DMXL2: variants seen among roughly 807,000 people sequenced by gnomAD.
DMXL2 encodes the protein Dmx like 2, also known as dmX-like protein 2.
A neutral mutation model predicts 331.1 loss-of-function variants in DMXL2; 103 were observed. The ratio of observed to expected loss-of-function variants is 0.31; its 90% CI spans 0.27 to 0.37. The LOEUF is 0.37. Ranked by LOEUF, DMXL2 falls within the 10% of genes least tolerant of loss-of-function variation. The pLI is 1.00. For synonymous variants in DMXL2, 1,281 were observed against 1,252.1 expected, an observed-to-expected ratio of 1.02 and a Z score of -0.49; for missense variants, 3,171 against 3,642.9, an observed-to-expected ratio of 0.87 and a Z score of 3.33.
At chr15:51,483,450 T>A (rs1475135489) in intron 23 of DMXL2, among the ~76,000 whole-genome samples, 2 of 152,136 alleles carry the variant, frequency 1.3e-5, no homozygotes, top group African/African-American at 4.8e-5. Flanking sequence ...GGCAGGGAAA[T>A]CAACCCCTAC....
chr15:51,517,020 T>C, intron 14 of DMXL2, 58 bp downstream of exon 14: 2 of 1,353,270 alleles, frequency 1.5e-6, no homozygotes, highest in African/African-American at 1.4e-5. Context: ...ATCATATACA[T>C]ATAAAACACC....
intron 24 of DMXL2, 75 bp downstream of exon 24, chr15:51,480,467 G>A (rs2041929984): frequency 2.1e-6 from 3 of 1,442,744 alleles, no homozygotes; most frequent in South Asian, 1.6e-5. Flanking sequence ...TAGTAAAAGA[G>A]CTTTATAGCT....
chr15:51,581,634 C>T (rs1056512469), intron 1 of DMXL2, among the ~76,000 whole-genome samples: 4 of 152,146 alleles, frequency 2.6e-5, no homozygotes, highest in African/African-American at 7.2e-5. Flanking sequence ...ATACTCTAAT[C>T]CCACAAACAC....
chr15:51,578,374 T>C (rs765804395), intron 1 of DMXL2, among the ~76,000 whole-genome samples: 4 of 152,210 alleles, frequency 2.6e-5, no homozygotes, highest in Non-Finnish European at 5.9e-5. Flanking sequence ...CTACTTAAGA[T>C]AAATTCACTC....
chr15:51,499,685 G>C lies in DMXL2; in HGVS notation c.3539C>G (p.Ser1180Cys). ...HLDWVSKEDG[S>C]HILTVGVGAN... is the part of the protein sequence containing the mutation. ...ACCGACTCCCACTGTAAGAATGTGGGAGCCATCTTCTTTTGATACCCAGTC... is the reference window on the plus strand; with the variant it reads ...ACCGACTCCCACTGTAAGAATGTGGCAGCCATCTTCTTTTGATACCCAGTC... Residue 1180 changes from serine (S) to cysteine (C), a missense_variant, in exon 18 of 44, where the codon TCC (serine) becomes TGC (cysteine). Ser to Cys is a moderately radical substitution (Grantham distance 112). This residue lies in a region of DMXL2 where 1,674 missense variants were observed against 1,780.2 expected (regional missense o/e 0.94). Coordinates refer to ENST00000560891, the MANE Select transcript of DMXL2 (RefSeq NM_001378457.1). 2 of 1,613,972 alleles carry C rather than the reference G, an allele frequency of 1.2e-6. No homozygotes were observed. The highest frequency in any genetic ancestry group is 8.5e-7 in the Non-Finnish European group (1 of 1,179,984).
chr15:51,563,123 C>A (rs548390320), intron 6 of DMXL2, among the ~76,000 whole-genome samples: 3 of 151,184 alleles, frequency 2.0e-5, no homozygotes, highest in African/African-American at 7.4e-5. Flanking sequence ...TATTTTTAAA[C>A]ACAAAACTTA....
intron 40 of DMXL2, 127 bp from the exon 41 acceptor site, chr15:51,453,768 T>C (rs2039368406): frequency 2.8e-6 from 2 of 715,216 alleles, no homozygotes; most frequent in Non-Finnish European, 4.6e-6. Flanking sequence ...AAACTCGGTC[T>C]AGGATAAAAG....
In DMXL2 at chr15:51,491,450, A is replaced by T. The variant is rs963885436; in HGVS notation, c.4953+128T>A. 43 of 933,734 alleles carry T rather than the reference A, an allele frequency of 4.6e-5. 1 individual carries two copies. In the South Asian group the frequency reaches 7.3e-4, roughly 16 times the overall value. 57.8% of individuals were successfully genotyped at this position (933,734 alleles called of 1,614,324 possible). A position where few individuals can be genotyped will look rare whatever the true frequency, so the allele number is the denominator to read the frequency against. ...GAGCGAAATTCCATCTCCAAAAAAA[A>T]AAAAATTCTCAAGACCTCAAGATAG... is the stretch of plus-strand genomic sequence containing the variant. On this transcript the variant is annotated intron_variant, in intron 20 of 43. Transcript: ENST00000560891.
intron 6 of DMXL2, among the ~76,000 whole-genome samples, chr15:51,548,496 A>AT (rs1318552094): frequency 6.6e-6 from 1 of 152,122 alleles, no homozygotes; most frequent in African/African-American, 2.4e-5. Flanking sequence ...TCCTCCAAGT[A>AT]TCTTCTTCAG....
At chr15:51,520,029 AT>A (rs1393781343) in intron 13 of DMXL2, among the ~76,000 whole-genome samples, 1 of 152,106 alleles carries the variant, frequency 6.6e-6, no homozygotes, top group East Asian at 1.9e-4. Context: ...AGCAATACAA[AT>A]TTTTTCACAA....
chr15:51,543,312 A>G (rs2048708335), intron 8 of DMXL2, among the ~76,000 whole-genome samples: 1 of 152,208 alleles, frequency 6.6e-6, no homozygotes. Flanking sequence ...TCAATTAAAT[A>G]AAGTATAAAA....
rs187270333 is a variant in DMXL2 at position 51,453,467 on chromosome 15, C to T, written c.8696+83G>A. The T allele has an allele frequency of 9.4e-4, 955 of 1,015,622 alleles. 8 individuals are homozygous for T. In the African/African-American group the frequency reaches 0.015, roughly 16 times the overall value. The allele number at this position is 1,015,622 out of a possible 1,614,324, so 62.9% of individuals were successfully genotyped here. ...TTTTTAATGCCTAGAGTGGAAAAAC[C>T]CTACTAATAGAAAAGTATTCTTGCT... On this transcript the variant is annotated intron_variant, in intron 41 of 43. Transcript: ENST00000560891.
At chr15:51,608,276 T>C (rs1246630801) in intron 1 of DMXL2, among the ~76,000 whole-genome samples, 2 of 152,072 alleles carry the variant, frequency 1.3e-5, no homozygotes, top group Non-Finnish European at 2.9e-5. Flanking sequence ...ATATAAATCG[T>C]TATACCATGA....
chr15:51,456,467 TTGC>T (rs1375611670), intron 37 of DMXL2, 98 bp from the exon 38 acceptor site: 1 of 761,458 alleles, frequency 1.3e-6, no homozygotes, highest in East Asian at 2.7e-5. Flanking sequence ...CTCTTACACC[TTGC>T]TTATTACTGA....
intron 16 of DMXL2, among the ~76,000 whole-genome samples, chr15:51,505,924 C>A (rs1179090222): frequency 6.6e-6 from 1 of 152,184 alleles, no homozygotes; most frequent in Non-Finnish European, 1.5e-5. Context: ...TAACAATTAT[C>A]TCTCAAAAAG....
intron 21 of DMXL2, 122 bp from the exon 22 acceptor site, chr15:51,488,241 C>T: frequency 2.1e-6 from 2 of 968,942 alleles, no homozygotes; most frequent in Non-Finnish European, 2.9e-6. Context: ...ACTTCAAGGA[C>T]AGGCATTTGT....
At chr15:51,574,437 CA>C (rs35329280) in intron 2 of DMXL2, among the ~76,000 whole-genome samples, 72,056 of 151,916 alleles carry the variant, frequency 0.47, 17,487 homozygotes, top group Non-Finnish European at 0.52. Flanking sequence ...TAAGGCCTGC[CA>C]AAAATATCCC....
intron 20 of DMXL2, 74 bp downstream of exon 20, chr15:51,491,504 T>C: frequency 6.9e-7 from 1 of 1,441,482 alleles, no homozygotes; most frequent in Middle Eastern, 1.8e-4. Context: ...ACAGGTTTTC[T>C]GGGAGATAGT....
Position 51,458,593 on chromosome 15 carries a change from T to C in DMXL2, c.8111A>G (p.His2704Arg), listed in dbSNP as rs1278779109. Reference protein sequence around the residue: ...NCNEIVLASTHDVQELDVTSL... With the variant: ...NCNEIVLASTRDVQELDVTSL... ...AGTAACATCAAGTTCTTGAACATCA[T>C]GTGTTGAAGCCAAAACAATTTCATT... The change falls in exon 36 of 44, where the codon CAT (histidine) becomes CGT (arginine). Residue 2704 changes from histidine (H) to arginine (R), a missense_variant. Physicochemically the swap from His to Arg is conservative, Grantham distance 29. This residue lies in a region of DMXL2 where 766 missense variants were observed against 940.5 expected (regional missense o/e 0.81). Transcript: ENST00000560891. 1.5e-5 allele frequency: 24 copies of C among 1,613,994 alleles called. No individual in the cohort carries two copies. Among genetic ancestry groups the C allele is most frequent in the Non-Finnish European group, 2.0e-5 (24 of 1,179,872 alleles).
Sources: gnomAD v4.1 joint callset for allele counts (sites outside exome capture counted in the v4.1 genomes callset) on GRCh38, gnomAD v4.1.1 for gene constraint, gnomAD v4.1.1 regional missense constraint, MANE v1.5 for transcripts, NCBI Gene and HGNC (gene_info 2026-07-23, HGNC 2026-07-21) for gene names.